BUB1B: variants seen among roughly 807,000 people sequenced by gnomAD.
BUB1B encodes BUB1 mitotic checkpoint serine/threonine kinase B.
A neutral mutation model predicts 137.7 loss-of-function variants in BUB1B; 86 were observed. The observed-to-expected ratio is 0.62, with a 90% CI of 0.52 to 0.75. The LOEUF (loss-of-function observed/expected upper bound fraction) is 0.75. BUB1B is among the 30% of genes least tolerant of loss of function. The probability of loss-of-function intolerance (pLI) is 0.00; values close to 1 mark genes in which losing one functional copy is unlikely to be tolerated. For missense variants in BUB1B, 1,130 were observed against 1,236.9 expected (o/e 0.91, Z 1.30); for synonymous variants, 420 against 417.9 (o/e 1.00, Z -0.06).
At position 40,183,961 on chromosome 15, in the gene BUB1B, T is replaced by C. The variant is rs1437622132; in HGVS notation, c.751+78T>C. Reference sequence around the variant, plus strand: ...CATGTAAGAAGATAATACATAAATATACCTGTGGACACTTCTAGTTTGCTG... The same window carrying C: ...CATGTAAGAAGATAATACATAAATACACCTGTGGACACTTCTAGTTTGCTG... On this transcript the variant is annotated intron_variant, in intron 6 of 22. Coordinates refer to ENST00000287598, the MANE Select transcript of BUB1B (RefSeq NM_001211.6). 4.1e-6 allele frequency: 6 copies of C among 1,461,160 alleles called. No homozygotes were observed. In the Admixed American group the frequency reaches 7.1e-5, roughly 17 times the overall value. 90.5% of individuals were successfully genotyped at this position (1,461,160 alleles called of 1,614,324 possible).
chr15:40,198,253 T>TA (rs1555382909), intron 9 of BUB1B, among the ~76,000 whole-genome samples: 4 of 151,594 alleles, frequency 2.6e-5, no homozygotes, highest in East Asian at 3.9e-4. Context: ...TTTTTTTTTT[T>TA]AAATAGAGAG....
At chr15:40,202,275 C>T (rs550990951) in intron 12 of BUB1B, 130 bp from the exon 13 acceptor site, 2 of 758,006 alleles carry the variant, frequency 2.6e-6, no homozygotes, top group African/African-American at 1.8e-5. Context: ...ATGTTTGAAG[C>T]TTTTTGTTAT....
At position 40,202,393 on chromosome 15, in the gene BUB1B, CTCTT is replaced by C. The variant is rs751787026; in HGVS notation, c.1568-8_1568-5del. 15 of 1,596,190 alleles carry C rather than the reference CTCTT, an allele frequency of 9.4e-6. No individual in the cohort carries two copies. The highest frequency in any genetic ancestry group is 1.3e-5 in the Non-Finnish European group (15 of 1,166,008). On this transcript the variant is annotated splice_region_variant and splice_polypyrimidine_tract_variant and intron_variant, in intron 12 of 22. Transcript: ENST00000287598. ...TACTCCTAGAGTATGTATCTAGTCTCTCTTTCTCTAGGTCCCAGTGTACCTTTCT... is the reference window on the plus strand; with the variant it reads ...TACTCCTAGAGTATGTATCTAGTCTCTCTCTAGGTCCCAGTGTACCTTTCT...
intron 1 of BUB1B, among the ~76,000 whole-genome samples, chr15:40,164,744 C>T (rs1319179421): frequency 6.6e-6 from 1 of 151,184 alleles, no homozygotes; most frequent in Non-Finnish European, 1.5e-5. Context: ...TCAAGAAATC[C>T]TCCCACTTCG....
In BUB1B at chr15:40,192,951, A is replaced by C. The variant is rs190813868; in HGVS notation, c.1059-3594A>C. On this transcript the variant is annotated intron_variant, in intron 8 of 22. Coordinates refer to ENST00000287598, the MANE Select transcript of BUB1B (RefSeq NM_001211.6). ...ACTGCAGTCCTGACTCCTGGACTCAAGTGATCCTCCCACCTCATCCTCCCT... is the reference window on the plus strand; with the variant it reads ...ACTGCAGTCCTGACTCCTGGACTCACGTGATCCTCCCACCTCATCCTCCCT... Among the ~76,000 whole-genome samples, 27 of 152,246 alleles carry C rather than the reference A, an allele frequency of 1.8e-4. No homozygotes were observed. The East Asian group carries it at 5.2e-3, about 29-fold the overall frequency.
At chr15:40,169,672 G>C (rs1288596385) in intron 2 of BUB1B, among the ~76,000 whole-genome samples, 1 of 128,974 alleles carries the variant, frequency 7.8e-6, no homozygotes, top group Non-Finnish European at 1.5e-5. Flanking sequence ...GGAGTGCAGT[G>C]CTGCAATCTC....
intron 1 of BUB1B, among the ~76,000 whole-genome samples, chr15:40,161,998 A>C (rs1009510305): frequency 1.6e-4 from 25 of 152,104 alleles, no homozygotes; most frequent in African/African-American, 6.0e-4. Context: ...CTGGCATGGG[A>C]TGAAGGTGGG....
At chr15:40,185,435 G>T in intron 7 of BUB1B, 56 bp downstream of exon 7, 2 of 1,596,100 alleles carry the variant, frequency 1.3e-6, no homozygotes, top group Admixed American at 1.7e-5. Flanking sequence ...CACATTTAGG[G>T]TAGAGAAGTA....
intron 11 of BUB1B, 56 bp downstream of exon 11, chr15:40,200,415 C>G (rs1439351114): frequency 7.6e-7 from 1 of 1,308,758 alleles, no homozygotes. Flanking sequence ...TAGAACCAAC[C>G]TTTGACTCTC....
chr15:40,217,312 C>A, intron 20 of BUB1B, 184 bp from the exon 21 acceptor site: 1 of 632,618 alleles, frequency 1.6e-6, no homozygotes, highest in Admixed American at 2.7e-5. Context: ...TGGTGACATT[C>A]CTTCCGCATT....
Position 40,176,551 on chromosome 15 carries a change from G to C in BUB1B, c.459G>C (p.Gln153His). The C allele has an allele frequency of 6.2e-7, 1 of 1,614,094 alleles. No homozygotes were observed. The highest frequency in any genetic ancestry group is 8.5e-7 in the Non-Finnish European group (1 of 1,180,006). Residue 153 changes from glutamine (Q) to histidine (H), a missense_variant, in exon 5 of 23, where the codon CAG becomes CAC. Physicochemically the swap from Gln to His is conservative, Grantham distance 24. Coordinates refer to ENST00000287598, the MANE Select transcript of BUB1B (RefSeq NM_001211.6). Reference protein sequence around the residue: ...HNQGIGVSLAQFYISWAEEYE... With the variant: ...HNQGIGVSLAHFYISWAEEYE... Reference sequence around the variant, plus strand: ...AAGGGATTGGTGTTTCACTTGCTCAGTTCTATATCTCATGGGCAGAAGAAT... The same window carrying C: ...AAGGGATTGGTGTTTCACTTGCTCACTTCTATATCTCATGGGCAGAAGAAT...
At chr15:40,163,463 A>G (rs996992675) in intron 1 of BUB1B, among the ~76,000 whole-genome samples, 12 of 152,180 alleles carry the variant, frequency 7.9e-5, no homozygotes, top group Admixed American at 5.9e-4. Flanking sequence ...ATGACAATAA[A>G]CAATGCCTTA....
chr15:40,162,200 TGAG>T (rs1282344699), intron 1 of BUB1B, among the ~76,000 whole-genome samples: 1 of 152,156 alleles, frequency 6.6e-6, no homozygotes, highest in Non-Finnish European at 1.5e-5. Flanking sequence ...GTTCTATATC[TGAG>T]GAGAGTACAA....
In BUB1B at chr15:40,217,667, G is replaced by A. The variant is rs775976611; in HGVS notation, c.2850G>A (p.Gln950=). Reference sequence around the variant, plus strand: ...TGGCTAACTGTTCTTCTCCCTACCAGGTAAGTGTAAAACAAGCCTGAGCAA... The same window carrying A: ...TGGCTAACTGTTCTTCTCCCTACCAAGTAAGTGTAAAACAAGCCTGAGCAA... ...KILANCSSPY[Q]VDLFGIADLA... is the part of the protein sequence containing the mutation. Residue 950 remains glutamine, a splice_region_variant and synonymous_variant, in exon 21 of 23, where the codon CAG becomes CAA. Transcript: ENST00000287598. 1.9e-6 allele frequency: 3 copies of A among 1,614,082 alleles called. No individual in the cohort carries two copies. The highest frequency in any genetic ancestry group is 2.2e-5 in the East Asian group (1 of 44,878).
In BUB1B at chr15:40,200,252, G is replaced by A. The variant is rs1461083904; in HGVS notation, c.1410G>A (p.Glu470=). The A allele has an allele frequency of 3.7e-6, 6 of 1,612,332 alleles. No individual in the cohort carries two copies. Among genetic ancestry groups the A allele is most frequent in the Non-Finnish European group, 5.1e-6 (6 of 1,178,746 alleles). Residue 470 remains glutamate (E), a synonymous_variant, in exon 11 of 23, where the codon GAG becomes GAA. Coordinates refer to ENST00000287598, the MANE Select transcript of BUB1B (RefSeq NM_001211.6). ...TTATTTAATGCAAACAGCAAGAAGAGACGATGCCTACAAAGGAGACAACTA... is the reference window on the plus strand; with the variant it reads ...TTATTTAATGCAAACAGCAAGAAGAAACGATGCCTACAAAGGAGACAACTA... ...QQERTGDQQE[E]TMPTKETTKL...
intron 8 of BUB1B, among the ~76,000 whole-genome samples, chr15:40,192,119 T>C (rs2037445970): frequency 6.6e-6 from 1 of 152,258 alleles, no homozygotes; most frequent in Non-Finnish European, 1.5e-5. Flanking sequence ...TTCTGGTCCA[T>C]GAACATAGGA....
intron 12 of BUB1B, 87 bp from the exon 13 acceptor site, chr15:40,202,318 A>G (rs906395937): frequency 1.3e-5 from 16 of 1,209,554 alleles, no homozygotes; most frequent in African/African-American, 1.1e-4. Context: ...GCTTTCAAAC[A>G]ACACAAAATA....
chr15:40,209,567 TATA>T, intron 16 of BUB1B, 65 bp from the exon 17 acceptor site: 1 of 1,586,576 alleles, frequency 6.3e-7, no homozygotes, highest in Non-Finnish European at 8.7e-7. Context: ...TCTACTCTGT[TATA>T]ATATCCATTT....
chr15:40,182,326 A>T lies in BUB1B; in HGVS notation c.582-1388A>T, dbSNP rs565612205. 2.0e-5 allele frequency among the ~76,000 whole-genome samples: 3 copies of T among 152,306 alleles called. No individual in the cohort carries two copies. In the South Asian group the frequency reaches 6.2e-4, roughly 32 times the overall value. On this transcript the variant is annotated intron_variant, in intron 5 of 22. Transcript: ENST00000287598. ...TTTTCTAGTTCTTTGTGTGTCAAGTAATTCTTGTACCCTGGACATTTATCC... is the reference window on the plus strand; with the variant it reads ...TTTTCTAGTTCTTTGTGTGTCAAGTTATTCTTGTACCCTGGACATTTATCC...
Sources: allele counts gnomAD v4.1 joint callset (sites outside exome capture counted in the v4.1 genomes callset), GRCh38; gene constraint gnomAD v4.1.1; transcripts MANE v1.5; gene names NCBI Gene and HGNC (gene_info 2026-07-23, HGNC 2026-07-21).